The following ZNF385D variants were observed in gnomAD, a reference collection of about 807,000 sequenced individuals.
ZNF385D encodes the protein zinc finger protein 659.
A neutral mutation model predicts 35.8 loss-of-function variants in ZNF385D; 15 were observed. That is an observed-to-expected ratio of 0.42 (90% CI 0.28 to 0.64). The LOEUF is 0.64. Among genes scored for constraint, ZNF385D ranks in the 30% least tolerant of loss-of-function variants. The pLI, the probability that ZNF385D is intolerant of heterozygous loss-of-function variation, is 0.23. For missense variants in ZNF385D, 474 were observed against 494.6 expected, an observed-to-expected ratio of 0.96 and a Z score of 0.39; for synonymous variants, 212 against 186.8, an observed-to-expected ratio of 1.13 and a Z score of -1.10.
At chr3:22,162,775 T>C (rs556016762) in intron 3 of ZNF385D, among the ~76,000 whole-genome samples, 2 of 152,334 alleles carry the variant, frequency 1.3e-5, no homozygotes, top group African/African-American at 4.8e-5. Flanking sequence ...TTTAATCTGT[T>C]AATTGACCTC....
intron 2 of ZNF385D, among the ~76,000 whole-genome samples, chr3:22,283,910 T>C (rs1701895341): frequency 6.6e-6 from 1 of 152,148 alleles, no homozygotes; most frequent in African/African-American, 2.4e-5. Context: ...CCTCAAGTTC[T>C]TTTAGTTCTT....
intron 4 of ZNF385D, among the ~76,000 whole-genome samples, chr3:21,443,595 A>G (rs1173420100): frequency 1.3e-5 from 2 of 152,188 alleles, no homozygotes; most frequent in East Asian, 3.9e-4. Context: ...ACTAGAAAAC[A>G]TTAGAAAAAT....
At chr3:21,964,829 G>A (rs2336519) in intron 3 of ZNF385D, among the ~76,000 whole-genome samples, 66,197 of 151,902 alleles carry the variant, frequency 0.44, 14,816 homozygotes, top group Middle Eastern at 0.47. Context: ...ATTCTTTGTT[G>A]TATGTTCAAA....
chr3:22,115,180 A>G (rs1702744316), intron 3 of ZNF385D, among the ~76,000 whole-genome samples: 1 of 152,086 alleles, frequency 6.6e-6, no homozygotes, highest in Admixed American at 6.6e-5. Context: ...ACAGACAAGA[A>G]GTCATTGGTA....
intron 4 of ZNF385D, among the ~76,000 whole-genome samples, chr3:21,461,073 G>T (rs1575186512): frequency 1.3e-5 from 2 of 152,116 alleles, no homozygotes; most frequent in African/African-American, 4.8e-5. Context: ...CACATGCTCT[G>T]CATTGCAGTG....
At chr3:21,998,878 A>G (rs919315667) in intron 3 of ZNF385D, among the ~76,000 whole-genome samples, 6 of 152,240 alleles carry the variant, frequency 3.9e-5, no homozygotes, top group Admixed American at 3.3e-4. Context: ...TCACATGCAC[A>G]TACTGAAGAG....
chr3:21,801,471 T>C (rs1414993506), intron 3 of ZNF385D, among the ~76,000 whole-genome samples: 1 of 152,174 alleles, frequency 6.6e-6, no homozygotes, highest in African/African-American at 2.4e-5. Context: ...TTGTTGGAGA[T>C]GTTTGATTAA....
chr3:22,166,478 C>G (rs1460791173), intron 3 of ZNF385D, among the ~76,000 whole-genome samples: 1 of 152,166 alleles, frequency 6.6e-6, no homozygotes, highest in East Asian at 1.9e-4. Context: ...GGTTTCATTG[C>G]AAGTTCAACT....
intron 2 of ZNF385D, among the ~76,000 whole-genome samples, chr3:21,574,246 A>G (rs2063425937): frequency 6.6e-6 from 1 of 152,152 alleles, no homozygotes; most frequent in Admixed American, 6.5e-5. Flanking sequence ...AAGACTCTAG[A>G]TGTAATTGTC....
chr3:21,681,135 CAG>C (rs1487780355), intron 1 of ZNF385D, among the ~76,000 whole-genome samples: 1 of 151,868 alleles, frequency 6.6e-6, no homozygotes, highest in African/African-American at 2.4e-5. Context: ...TCAAGGAACT[CAG>C]AGTCTCCTAT....
chr3:21,779,832 C>T (rs2071423094), intron 3 of ZNF385D, among the ~76,000 whole-genome samples: 2 of 151,890 alleles, frequency 1.3e-5, no homozygotes, highest in Non-Finnish European at 2.9e-5. Flanking sequence ...GGAGGATCTA[C>T]CAACTCATTT....
At chr3:22,372,623 G>T (rs1248175034) in exon 2 of ZNF385D, 4 of 544,748 alleles carry the variant, frequency 7.3e-6, no homozygotes, top group East Asian at 1.5e-4. Flanking sequence ...CAGCTTCAAC[G>T]GCGGTGGTCG....
chr3:21,867,248 A>T (rs1044418543), intron 3 of ZNF385D, among the ~76,000 whole-genome samples: 5 of 152,098 alleles, frequency 3.3e-5, no homozygotes, highest in Non-Finnish European at 7.4e-5. Flanking sequence ...AAGCCTCATG[A>T]CCTAATCATC....
At chr3:21,669,092 T>G (rs2066487374) in intron 1 of ZNF385D, among the ~76,000 whole-genome samples, 3 of 152,198 alleles carry the variant, frequency 2.0e-5, no homozygotes, top group Admixed American at 6.5e-5. Flanking sequence ...CAGAAAAATA[T>G]ATAAACTCTA....
chr3:22,348,713 G>C (rs966368940), intron 2 of ZNF385D, among the ~76,000 whole-genome samples: 3 of 151,832 alleles, frequency 2.0e-5, no homozygotes, highest in Admixed American at 6.6e-5. Context: ...GGAGGAGAGA[G>C]AAAGTAGGGT....
At chr3:21,520,928 A>G (rs1007375376) in intron 3 of ZNF385D, among the ~76,000 whole-genome samples, 2 of 152,228 alleles carry the variant, frequency 1.3e-5, no homozygotes, top group Non-Finnish European at 2.9e-5. Flanking sequence ...GGCATCATTA[A>G]CACATTTCCT....
At chr3:21,953,457 A>G (rs958147430) in intron 3 of ZNF385D, among the ~76,000 whole-genome samples, 3 of 152,062 alleles carry the variant, frequency 2.0e-5, no homozygotes, top group African/African-American at 4.8e-5. Context: ...AACTTCCTGA[A>G]CAAATATAAT....
intron 2 of ZNF385D, among the ~76,000 whole-genome samples, chr3:21,633,504 A>G (rs2065341417): frequency 6.6e-6 from 1 of 152,132 alleles, no homozygotes; most frequent in Non-Finnish European, 1.5e-5. Context: ...ACATATCTGT[A>G]TTCAACTATT....
chr3:21,970,111 C>T (rs1404718727), intron 3 of ZNF385D, among the ~76,000 whole-genome samples: 1 of 152,118 alleles, frequency 6.6e-6, no homozygotes, highest in South Asian at 2.1e-4. Flanking sequence ...CAGGTACAAA[C>T]AAGCTGAACT....
Sources: allele counts gnomAD v4.1 joint callset (sites outside exome capture counted in the v4.1 genomes callset), GRCh38; gene constraint gnomAD v4.1.1; transcripts MANE v1.5; gene names NCBI Gene and HGNC (gene_info 2026-07-23, HGNC 2026-07-21).